ABLIM2: variants seen among roughly 807,000 people sequenced by gnomAD.
ABLIM2 encodes actin binding LIM protein family member 2, also known as actin-binding LIM protein 2.
ABLIM2 carries 53 observed loss-of-function variants against 97.7 expected under a neutral mutation model. The observed-to-expected ratio is 0.54, with a 90% CI of 0.44 to 0.68. The LOEUF (loss-of-function observed/expected upper bound fraction) is 0.68, where lower values mean the gene tolerates loss of function less well. Ranked by LOEUF, ABLIM2 falls within the 30% of genes least tolerant of loss-of-function variation. The pLI is 0.00. For synonymous variants in ABLIM2, 361 were observed against 345.8 expected, an observed-to-expected ratio of 1.04 and a Z score of -0.49; for missense variants, 835 against 867.2, an observed-to-expected ratio of 0.96 and a Z score of 0.47.
In ABLIM2 at chr4:8,021,715, G is replaced by C. The variant is rs561689722; in HGVS notation, c.1268-1412C>G. On this transcript the variant is annotated intron_variant, in intron 12 of 20. Transcript: ENST00000447017. The surrounding 1 kb of genome is among the most constrained non-coding windows in gnomAD (Gnocchi z 5.5). ...CCTGGTGGTGGGCTGCATGCAGCGG[G>C]AGGTCACCTAGGAGCAGGGTGGCCC... Among the ~76,000 whole-genome samples, 28 of 152,396 alleles carry C rather than the reference G, an allele frequency of 1.8e-4. No homozygotes were observed. The East Asian group carries it at 5.0e-3, about 27-fold the overall frequency.
chr4:8,145,972 T>C (rs959106548), intron 1 of ABLIM2, among the ~76,000 whole-genome samples: 11 of 152,202 alleles, frequency 7.2e-5, no homozygotes, highest in Admixed American at 2.0e-4. Context: ...CACTAGCATG[T>C]CCTTAAAATG....
chr4:8,036,136 G>A lies in ABLIM2; in HGVS notation c.1047+13C>T. ...GACACAGGTGTCCAGGGCCATGTGG[G>A]CAGGGTCCATACCTCGCCGTAGCTC... On this transcript the variant is annotated intron_variant, in intron 10 of 20. Coordinates refer to ENST00000447017, the MANE Select transcript of ABLIM2 (RefSeq NM_001130083.2). The A allele has an allele frequency of 6.2e-7, 1 of 1,613,130 alleles. No homozygotes were observed. Among genetic ancestry groups the A allele is most frequent in the Admixed American group, 1.7e-5 (1 of 59,934 alleles).
rs1361763957 is a variant in ABLIM2, at chr4:7,998,850, A to G, written c.1619-5923T>C. Among the ~76,000 whole-genome samples, 1 of 152,030 alleles carries G rather than the reference A, an allele frequency of 6.6e-6. No individual in the cohort carries two copies. The highest frequency in any genetic ancestry group is 2.4e-5 in the African/African-American group (1 of 41,368). ...AGGCCACTTTGCTGTTCCCACCTTT[A>G]GAGTTGTCCTGTGACCAACCGTCTG... On this transcript the variant is annotated intron_variant, in intron 16 of 20. Transcript: ENST00000447017. This position sits in a 1 kb window ranked among gnomAD's most constrained non-coding sequence, Gnocchi z 6.4.
Position 8,127,467 on chromosome 4 carries a change from C to T in ABLIM2, c.11-20830G>A. 3.1e-6 allele frequency: 4 copies of T among 1,280,148 alleles called. No individual in the cohort carries two copies. The highest frequency in any genetic ancestry group is 4.1e-6 in the Non-Finnish European group (4 of 980,778). 79.3% of individuals were successfully genotyped at this position (1,280,148 alleles called of 1,614,324 possible). A position where few individuals can be genotyped will look rare whatever the true frequency, so the allele number is the denominator to read the frequency against. On this transcript the variant is annotated intron_variant, in intron 1 of 20. Transcript: ENST00000447017. This position sits in a 1 kb window ranked among gnomAD's most constrained non-coding sequence, Gnocchi z 7.3. ...AAGCTGATTCATGGAGCTCACAGCTCCCAGTCCCCTGAAGCTGACTCATGG... is the reference window on the plus strand; with the variant it reads ...AAGCTGATTCATGGAGCTCACAGCTTCCAGTCCCCTGAAGCTGACTCATGG...
In ABLIM2 at chr4:8,003,997, TC is replaced by T. The variant is rs2150287021; in HGVS notation, c.1618+4061del. 6.6e-6 allele frequency among the ~76,000 whole-genome samples: 1 copy of T among 152,240 alleles called. No homozygotes were observed. The highest frequency in any genetic ancestry group is 1.5e-5 in the Non-Finnish European group (1 of 68,022). ...GACAGTAGCACGTCAGGGAGGCTCT[TC>T]CTTCGACCACGGACTAAGGAACGCG... is the stretch of plus-strand genomic sequence containing the variant. On this transcript the variant is annotated intron_variant, in intron 16 of 20. Transcript: ENST00000447017. This position sits in a 1 kb window ranked among gnomAD's most constrained non-coding sequence, Gnocchi z 4.2.
rs570380515 is a variant in ABLIM2 at position 8,148,704 on chromosome 4, T to C, written c.10+9976A>G. Among the ~76,000 whole-genome samples, 1 of 152,184 alleles carries C rather than the reference T, an allele frequency of 6.6e-6. No individual in the cohort carries two copies. Among genetic ancestry groups the C allele is most frequent in the South Asian group, 2.1e-4 (1 of 4,826 alleles). On this transcript the variant is annotated intron_variant, in intron 1 of 20. Coordinates refer to ENST00000447017, the MANE Select transcript of ABLIM2 (RefSeq NM_001130083.2). This position sits in a 1 kb window ranked among gnomAD's most constrained non-coding sequence, Gnocchi z 6.7. ...GAAGCAAATGCTACATCCCAAGGTGTCCATTGCCCCAAACCACACAGGAAC... is the reference window on the plus strand; with the variant it reads ...GAAGCAAATGCTACATCCCAAGGTGCCCATTGCCCCAAACCACACAGGAAC...
Position 7,980,941 on chromosome 4 carries a change from ATTT to A in ABLIM2, c.1824+2320_1824+2322del, listed in dbSNP as rs1167615555. On this transcript the variant is annotated intron_variant, in intron 20 of 20. Coordinates refer to ENST00000447017, the MANE Select transcript of ABLIM2 (RefSeq NM_001130083.2). ...AGAACCATGGTCTCCACAACCCCTT[ATTT>A]TTTTTTTTTTTTTTTTTGAGATGGA... 7.2e-5 allele frequency among the ~76,000 whole-genome samples: 6 copies of A among 82,984 alleles called. No homozygotes were observed. The Admixed American group carries it at 8.2e-4, about 11-fold the overall frequency. The allele number at this position is 82,984 out of a possible 152,430, so 54.4% of individuals were successfully genotyped here. A position where few individuals can be genotyped will look rare whatever the true frequency, so the allele number is the denominator to read the frequency against.
At chr4:8,039,070 T>C (rs539286759) in intron 9 of ABLIM2, among the ~76,000 whole-genome samples, 14 of 152,274 alleles carry the variant, frequency 9.2e-5, no homozygotes, top group African/African-American at 2.9e-4. Flanking sequence ...TCTTCATCTG[T>C]TGAGTTGTCC....
chr4:8,090,600 C>T (rs981158833), intron 3 of ABLIM2, among the ~76,000 whole-genome samples: 10 of 152,174 alleles, frequency 6.6e-5, no homozygotes, highest in Non-Finnish European at 1.2e-4. Flanking sequence ...CTGTGGCTGT[C>T]TACAATCATG....
At chr4:8,006,856 C>G (rs140772955) in intron 16 of ABLIM2, among the ~76,000 whole-genome samples, 51 of 151,754 alleles carry the variant, frequency 3.4e-4, no homozygotes, top group African/African-American at 1.2e-3. Flanking sequence ...GTGAACCCCT[C>G]TCCCTCTGGG....
intron 1 of ABLIM2, among the ~76,000 whole-genome samples, chr4:8,114,211 C>A (rs544692036): frequency 1.3e-5 from 2 of 152,316 alleles, no homozygotes; most frequent in South Asian, 4.1e-4. Flanking sequence ...TGATGCTGGC[C>A]CTGTGCTGAT....
Position 8,113,053 on chromosome 4 carries a change from C to A in ABLIM2, c.11-6416G>T, listed in dbSNP as rs907547162. Reference sequence around the variant, plus strand: ...TTTCTGTCCAGCGAACCAGCTCTCACGACCCAGACAGCAGAGTCCTCATCA... The same window carrying A: ...TTTCTGTCCAGCGAACCAGCTCTCAAGACCCAGACAGCAGAGTCCTCATCA... On this transcript the variant is annotated intron_variant, in intron 1 of 20. Coordinates refer to ENST00000447017, the MANE Select transcript of ABLIM2 (RefSeq NM_001130083.2). This position sits in a 1 kb window ranked among gnomAD's most constrained non-coding sequence, Gnocchi z 4.5. Among the ~76,000 whole-genome samples, 2 of 152,186 alleles carry A rather than the reference C, an allele frequency of 1.3e-5. No individual in the cohort carries two copies. Among genetic ancestry groups the A allele is most frequent in the Non-Finnish European group, 2.9e-5 (2 of 68,032 alleles).
At position 8,036,303 on chromosome 4, in the gene ABLIM2, G is replaced by A. The variant is rs770945239; in HGVS notation, c.901-8C>T. 3.1e-6 allele frequency: 5 copies of A among 1,613,118 alleles called. No homozygotes were observed. Among genetic ancestry groups the A allele is most frequent in the Non-Finnish European group, 4.2e-6 (5 of 1,179,518 alleles). ...CTCACCACCAAGCTTGGCCTGAGAG[G>A]GGAAAGAGAATTGGGGAGGGGACAG... is the stretch of plus-strand genomic sequence containing the variant. On this transcript the variant is annotated splice_polypyrimidine_tract_variant and splice_region_variant and intron_variant, in intron 9 of 20. Transcript: ENST00000447017.
rs1809615549 is a variant in ABLIM2, at chr4:8,068,577, A to G, written c.676-7523T>C. 6.6e-6 allele frequency among the ~76,000 whole-genome samples: 1 copy of G among 152,336 alleles called. No homozygotes were observed. Among genetic ancestry groups the G allele is most frequent in the South Asian group, 2.1e-4 (1 of 4,834 alleles). On this transcript the variant is annotated intron_variant, in intron 6 of 20. Transcript: ENST00000447017. The surrounding 1 kb of genome is among the most constrained non-coding windows in gnomAD (Gnocchi z 4.5). The stretch of plus-strand genomic sequence containing the variant: ...GGAGAATGGATCAGCCCTCTCTGCC[A>G]TGAGCCCCTCACACCTGAGGCAGGA...
chr4:8,008,930 A>C, intron 15 of ABLIM2, 120 bp downstream of exon 15: 3 of 1,175,810 alleles, frequency 2.6e-6, no homozygotes, highest in Non-Finnish European at 3.7e-6. Context: ...TTGGCCTCGC[A>C]GGGCCCCTAA....
chr4:8,066,904 T>C (rs1007727044), intron 6 of ABLIM2, among the ~76,000 whole-genome samples: 1 of 152,166 alleles, frequency 6.6e-6, no homozygotes, highest in Non-Finnish European at 1.5e-5. Context: ...TACGTGAATG[T>C]CACCTCAACT....
chr4:8,097,343 G>C, intron 2 of ABLIM2, 61 bp from the exon 3 acceptor site: 3 of 1,533,528 alleles, frequency 2.0e-6, no homozygotes, highest in Non-Finnish European at 2.6e-6. Flanking sequence ...CGTCCCCCAG[G>C]CCCGAGGTGC....
In ABLIM2 at chr4:8,120,592, G is replaced by A. The variant is rs929942708; in HGVS notation, c.11-13955C>T. Among the ~76,000 whole-genome samples the A allele has an allele frequency of 6.6e-6, 1 of 152,180 alleles. No homozygotes were observed. Among genetic ancestry groups the A allele is most frequent in the African/African-American group, 2.4e-5 (1 of 41,446 alleles). On this transcript the variant is annotated intron_variant, in intron 1 of 20. Coordinates refer to ENST00000447017, the MANE Select transcript of ABLIM2 (RefSeq NM_001130083.2). This position sits in a 1 kb window ranked among gnomAD's most constrained non-coding sequence, Gnocchi z 5.6. ...CAGCCCTGCCCGCACCTTGATCTGG[G>A]ACTTCTGGCCTCCAGAACTGTGGGA...
At chr4:7,982,425 C>G (rs1359080808) in intron 20 of ABLIM2, among the ~76,000 whole-genome samples, 1 of 152,238 alleles carries the variant, frequency 6.6e-6, no homozygotes, top group Admixed American at 6.5e-5. Context: ...AACCCCCGGG[C>G]TGGATGCTGG....
Sources: gnomAD v4.1 joint callset for allele counts (sites outside exome capture counted in the v4.1 genomes callset) on GRCh38, gnomAD v4.1.1 for gene constraint, Gnocchi (gnomAD v3.1) non-coding constraint, MANE v1.5 for transcripts, NCBI Gene and HGNC (gene_info 2026-07-23, HGNC 2026-07-21) for gene names.